The following CD6 variants were observed in gnomAD, a reference collection of about 807,000 sequenced individuals.
The protein encoded by CD6 is CD6 molecule.
Under a neutral mutation model 75.3 loss-of-function variants are expected in CD6, and 53 were observed. That is an observed-to-expected ratio of 0.70 (90% CI 0.56 to 0.88). The LOEUF (loss-of-function observed/expected upper bound fraction) is 0.88, where lower values mean the gene tolerates loss of function less well. Among genes scored for constraint, CD6 ranks in the 40% least tolerant of loss-of-function variants. The pLI is 0.00. For missense variants in CD6, 770 were observed against 897.1 expected (o/e 0.86, Z 1.81); for synonymous variants, 359 against 381.5 (o/e 0.94, Z 0.69).
chr11:60,994,145 A>C (rs1858180035), intron 1 of CD6, among the ~76,000 whole-genome samples: 1 of 152,130 alleles, frequency 6.6e-6, no homozygotes, highest in South Asian at 2.1e-4. Context: ...GAAAGGTAAA[A>C]AGGCTGAATT....
intron 1 of CD6, among the ~76,000 whole-genome samples, chr11:60,981,017 T>C (rs982823093): frequency 6.6e-6 from 1 of 151,922 alleles, no homozygotes; most frequent in Non-Finnish European, 1.5e-5. Flanking sequence ...AGGTCCAGGC[T>C]CTTTTCTGCC....
chr11:60,980,771 C>T (rs1857530921), intron 1 of CD6, among the ~76,000 whole-genome samples: 1 of 151,978 alleles, frequency 6.6e-6, no homozygotes, highest in African/African-American at 2.4e-5. Context: ...AACCGGGAGG[C>T]GGAAGTTACA....
rs186683426 is a variant in CD6 at position 61,015,670 on chromosome 11, C to T, written c.1388-43C>T. The T allele has an allele frequency of 9.0e-5, 145 of 1,610,904 alleles. 1 individual carries two copies. Among genetic ancestry groups the T allele is most frequent in the South Asian group, 1.1e-4 (10 of 90,842 alleles). The stretch of plus-strand genomic sequence containing the variant: ...TCTACCATCCCTCCCTACACCTTTC[C>T]GCCCACCACTTTGCCATGCCCTCGA... On this transcript the variant is annotated intron_variant, in intron 8 of 12. Transcript: ENST00000313421.
At chr11:60,986,159 T>TTAG (rs1156790748) in intron 1 of CD6, among the ~76,000 whole-genome samples, 1 of 152,232 alleles carries the variant, frequency 6.6e-6, no homozygotes, top group Non-Finnish European at 1.5e-5. Flanking sequence ...GATGTAAACA[T>TTAG]TAGTCATCCT....
chr11:61,011,512 C>T (rs1859153770), intron 6 of CD6, among the ~76,000 whole-genome samples: 1 of 152,176 alleles, frequency 6.6e-6, no homozygotes, highest in South Asian at 2.1e-4. Flanking sequence ...AGCGGGAATG[C>T]CAGCACACAG....
rs986351548 is a variant in CD6, at chr11:61,008,991, A to G, written c.781+146A>G. ...GAGGGGAGATGAGACTGAGACAAAC[A>G]TAATTCAGGAGAGAAAGTGGTAAAT... On this transcript the variant is annotated intron_variant, in intron 4 of 12. Coordinates refer to ENST00000313421, the MANE Select transcript of CD6 (RefSeq NM_006725.5). 1.1e-5 allele frequency: 8 copies of G among 704,592 alleles called. No homozygotes were observed. In the African/African-American group the frequency reaches 1.2e-4, roughly 11 times the overall value. 43.6% of individuals were successfully genotyped at this position (704,592 alleles called of 1,614,324 possible).
rs1859412909 is a variant in CD6 at position 61,016,521 on chromosome 11, G to T, written c.1510+686G>T. On this transcript the variant is annotated intron_variant, in intron 9 of 12. Coordinates refer to ENST00000313421, the MANE Select transcript of CD6 (RefSeq NM_006725.5). ...CAAATGACAGTGTCTTGAGAGGTTG[G>T]CAGGGGCCCAGGCCCCTTCTTTCTT... Among the ~76,000 whole-genome samples the T allele has an allele frequency of 2.6e-5, 4 of 152,238 alleles. No homozygotes were observed. The South Asian group carries it at 8.3e-4, about 32-fold the overall frequency.
At position 61,013,916 on chromosome 11, in the gene CD6, C is replaced by A. The variant is rs1284216801; in HGVS notation, c.1292-3C>A. The stretch of plus-strand genomic sequence containing the variant: ...TGTAGAATTTCTGCCTCCCCTCCCT[C>A]AGCCCTCCCCGTAATGGTGAACCAC... On this transcript the variant is annotated splice_polypyrimidine_tract_variant and splice_region_variant and intron_variant, in intron 7 of 12. Coordinates refer to ENST00000313421, the MANE Select transcript of CD6 (RefSeq NM_006725.5). 2.5e-6 allele frequency: 4 copies of A among 1,600,108 alleles called. No homozygotes were observed. Among genetic ancestry groups the A allele is most frequent in the East Asian group, 2.2e-5 (1 of 44,542 alleles).
At chr11:61,006,548 A>T in intron 1 of CD6, 26 bp from the exon 2 acceptor site, 1 of 1,568,548 alleles carries the variant, frequency 6.4e-7, no homozygotes, top group South Asian at 1.2e-5. Context: ...TCACTCACCC[A>T]CCATGCTGCT....
Position 61,017,679 on chromosome 11 carries a change from G to A in CD6, c.1583-80G>A. On this transcript the variant is annotated intron_variant, in intron 10 of 12. Coordinates refer to ENST00000313421, the MANE Select transcript of CD6 (RefSeq NM_006725.5). The stretch of plus-strand genomic sequence containing the variant: ...CTGACTTTCACAAATCCTATAGGCA[G>A]TAAGTGCTTTCTGAAGTCTGACTTA... 3.8e-6 allele frequency: 6 copies of A among 1,593,594 alleles called. No individual in the cohort carries two copies. The South Asian group carries it at 5.5e-5, about 15-fold the overall frequency.
chr11:60,988,619 C>T (rs77746131), intron 1 of CD6, among the ~76,000 whole-genome samples: 3,419 of 152,308 alleles, frequency 0.022, 126 homozygotes, highest in African/African-American at 0.076. Flanking sequence ...CCTACACTCC[C>T]ACCTGCTCTG....
chr11:61,010,041 C>T (rs2135177256), intron 5 of CD6, among the ~76,000 whole-genome samples, 167 bp downstream of exon 5: 1 of 152,312 alleles, frequency 6.6e-6, no homozygotes, highest in Admixed American at 6.5e-5. Flanking sequence ...AGTGCTAATT[C>T]ATCGAGGTAT....
intron 7 of CD6, 22 bp from the exon 8 acceptor site, chr11:61,013,897 A>T: frequency 6.4e-7 from 1 of 1,556,602 alleles, no homozygotes; most frequent in Non-Finnish European, 8.7e-7. Flanking sequence ...GACTTGTAGA[A>T]TTTCTGCCTC....
In CD6 at chr11:61,020,340, C is replaced by G; in HGVS notation, c.*1022C>G. 1 of 398,970 alleles carries G rather than the reference C, an allele frequency of 2.5e-6. No individual in the cohort carries two copies. The highest frequency in any genetic ancestry group is 3.6e-5 in the East Asian group (1 of 28,078). 24.7% of individuals were successfully genotyped at this position (398,970 alleles called of 1,614,324 possible). ...TCAGACCAGGCTTTGTTGTCCTGCT[C>G]TGAGTATCCTGAGATTAAACTGAAT... On this transcript the variant is annotated 3_prime_UTR_variant, in exon 13 of 13. Coordinates refer to ENST00000313421, the MANE Select transcript of CD6 (RefSeq NM_006725.5).
intron 1 of CD6, among the ~76,000 whole-genome samples, chr11:60,986,345 C>T (rs1341687599): frequency 6.6e-6 from 1 of 152,114 alleles, no homozygotes; most frequent in Non-Finnish European, 1.5e-5. Flanking sequence ...TGATGGGTGC[C>T]GGGCTGGTGT....
At chr11:60,982,079 GTTCT>G (rs1857583759) in intron 1 of CD6, among the ~76,000 whole-genome samples, 6 of 105,558 alleles carry the variant, frequency 5.7e-5, no homozygotes, top group Admixed American at 1.9e-4. Flanking sequence ...GGGGGGGGGG[GTTCT>G]GTGCATGGGG....
chr11:60,997,163 G>A lies in CD6; in HGVS notation c.50-9411G>A, dbSNP rs561354659. Among the ~76,000 whole-genome samples the A allele has an allele frequency of 9.8e-4, 149 of 152,264 alleles. 2 individuals carry two copies. The South Asian group carries it at 0.012, about 12-fold the overall frequency. ...GGCCAAAGCAGGTGGATCACCTGAG[G>A]TCAGAAGTTCAAGACCAGCCTGGCC... On this transcript the variant is annotated intron_variant, in intron 1 of 12. Transcript: ENST00000313421.
chr11:61,013,953 C>G lies in CD6; in HGVS notation c.1326C>G (p.Pro442=). The change falls in exon 8 of 13, where the codon CCC becomes CCG. Residue 442 remains proline (P), a synonymous_variant. Coordinates refer to ENST00000313421, the MANE Select transcript of CD6 (RefSeq NM_006725.5). ...LPVMVNHQHL[P]TTIPAGSNSY... is the part of the protein sequence containing the mutation. ...TAATGGTGAACCACCAGCACCTACCCACCACCATCCCGGCAGGGAGCAATA... is the reference window on the plus strand; with the variant it reads ...TAATGGTGAACCACCAGCACCTACCGACCACCATCCCGGCAGGGAGCAATA... The G allele has an allele frequency of 6.2e-7, 1 of 1,613,492 alleles. No homozygotes were observed. The highest frequency in any genetic ancestry group is 1.1e-5 in the South Asian group (1 of 90,982).
At position 61,007,264 on chromosome 11, in the gene CD6, C is replaced by G. The variant is rs1858905302; in HGVS notation, c.119-296C>G. ...TTTCACAAACGGGTGCCCCTGGAGA[C>G]AGGAGCAAGTGAGGAGGGTTTCTAG... On this transcript the variant is annotated intron_variant, in intron 2 of 12. Transcript: ENST00000313421. This position sits in a 1 kb window ranked among gnomAD's most constrained non-coding sequence, Gnocchi z 4.2. 6.6e-6 allele frequency among the ~76,000 whole-genome samples: 1 copy of G among 152,140 alleles called. No homozygotes were observed. Among genetic ancestry groups the G allele is most frequent in the African/African-American group, 2.4e-5 (1 of 41,440 alleles).
Sources: allele counts gnomAD v4.1 joint callset (sites outside exome capture counted in the v4.1 genomes callset), GRCh38; gene constraint gnomAD v4.1.1; non-coding constraint Gnocchi (gnomAD v3.1); transcripts MANE v1.5; gene names NCBI Gene and HGNC (gene_info 2026-07-23, HGNC 2026-07-21).